DNAH12: variants seen among roughly 807,000 people sequenced by gnomAD.
The protein encoded by DNAH12 is dynein axonemal heavy chain 12, also known as axonemal beta dynein heavy chain 12.
A neutral mutation model predicts 371.5 loss-of-function variants in DNAH12; 285 were observed. The ratio of observed to expected loss-of-function variants is 0.77; its 90% CI spans 0.70 to 0.85. DNAH12 has a LOEUF of 0.85. DNAH12 is among the 40% of genes least tolerant of loss of function. DNAH12 has a pLI of 0.00. For missense variants in DNAH12, 3,611 were observed against 3,689.4 expected, an observed-to-expected ratio of 0.98 and a Z score of 0.55; for synonymous variants, 1,200 against 1,213.0, an observed-to-expected ratio of 0.99 and a Z score of 0.22.
intron 2 of DNAH12, among the ~76,000 whole-genome samples, chr3:57,535,705 G>C (rs1264212893): frequency 3.3e-5 from 5 of 151,516 alleles, no homozygotes; most frequent in African/African-American, 1.2e-4. Flanking sequence ...ACCACACCTG[G>C]CTAATTTTGT....
chr3:57,514,462 A>G (rs2068114496), intron 4 of DNAH12, among the ~76,000 whole-genome samples: 1 of 152,082 alleles, frequency 6.6e-6, no homozygotes. Context: ...AGTATGACGC[A>G]TTTTGTGTAA....
chr3:57,384,031 T>C (rs1384351827), intron 49 of DNAH12, among the ~76,000 whole-genome samples: 2 of 152,144 alleles, frequency 1.3e-5, no homozygotes, highest in Non-Finnish European at 2.9e-5. Context: ...AGGCAAAGAA[T>C]GGGACCTGAA....
At chr3:57,441,982 T>C (rs572126737) in intron 29 of DNAH12, among the ~76,000 whole-genome samples, 1 of 152,106 alleles carries the variant, frequency 6.6e-6, no homozygotes, top group Non-Finnish European at 1.5e-5. Context: ...GCCTGACTTC[T>C]AAGCACAACA....
In DNAH12 at chr3:57,462,647, C is replaced by T. The variant is rs748614256; in HGVS notation, c.2535+43G>A. The T allele has an allele frequency of 2.9e-5, 44 of 1,521,826 alleles. 1 individual carries two copies. In the South Asian group the frequency reaches 3.3e-4, roughly 11 times the overall value. 94.3% of individuals were successfully genotyped at this position (1,521,826 alleles called of 1,614,324 possible). A position where few individuals can be genotyped will look rare whatever the true frequency, so the allele number is the denominator to read the frequency against. ...ACAAAAACTATGATTACTTGATTAA[C>T]GAAGTCATCACATAAAGTATTTCAG... On this transcript the variant is annotated intron_variant, in intron 18 of 73. Transcript: ENST00000495027.
chr3:57,444,179 C>G (rs574823821), intron 29 of DNAH12, among the ~76,000 whole-genome samples: 2 of 151,724 alleles, frequency 1.3e-5, no homozygotes, highest in South Asian at 2.1e-4. Context: ...CCAGCCTGGG[C>G]AACAAGAGCA....
chr3:57,448,475 G>A (rs1438093096), intron 25 of DNAH12, among the ~76,000 whole-genome samples: 2 of 152,166 alleles, frequency 1.3e-5, no homozygotes, highest in African/African-American at 2.4e-5. Context: ...GGGGGCTCGT[G>A]GTCTCGCTGG....
intron 40 of DNAH12, among the ~76,000 whole-genome samples, chr3:57,406,281 G>A (rs2064022733): frequency 2.0e-5 from 3 of 151,366 alleles, no homozygotes; most frequent in Non-Finnish European, 4.4e-5. Flanking sequence ...AACCCGGGAG[G>A]TGGAGGTAGA....
intron 40 of DNAH12, among the ~76,000 whole-genome samples, chr3:57,408,033 T>C (rs183257455): frequency 1.3e-4 from 20 of 152,204 alleles, no homozygotes; most frequent in African/African-American, 4.1e-4. Flanking sequence ...TCCATTTTAG[T>C]CATTAAAAAA....
At chr3:57,296,275 C>G in intron 72 of DNAH12, 69 bp downstream of exon 72, 2 of 1,216,720 alleles carry the variant, frequency 1.6e-6, no homozygotes, top group East Asian at 2.7e-5. Flanking sequence ...TTTTTTTAAG[C>G]AACAGATTGC....
At chr3:57,456,436 A>G (rs1029831328) in intron 22 of DNAH12, among the ~76,000 whole-genome samples, 1 of 152,228 alleles carries the variant, frequency 6.6e-6, no homozygotes, top group African/African-American at 2.4e-5. Flanking sequence ...TTGTGGTCCT[A>G]AAGGCAGAAA....
chr3:57,502,272 G>C, intron 10 of DNAH12, 51 bp downstream of exon 10: 1 of 1,598,878 alleles, frequency 6.3e-7, no homozygotes, highest in South Asian at 1.1e-5. Flanking sequence ...CCAAATTCTA[G>C]CACAAATAAA....
At chr3:57,533,158 T>C (rs868473848) in intron 2 of DNAH12, among the ~76,000 whole-genome samples, 3 of 152,148 alleles carry the variant, frequency 2.0e-5, no homozygotes, top group Non-Finnish European at 4.4e-5. Flanking sequence ...CTCCCAATGT[T>C]CACTTAAGGC....
intron 4 of DNAH12, among the ~76,000 whole-genome samples, 171 bp from the exon 5 acceptor site, chr3:57,511,150 T>C (rs1013036986): frequency 2.6e-5 from 4 of 152,102 alleles, no homozygotes; most frequent in African/African-American, 9.7e-5. Context: ...AAGAAACCAT[T>C]TTATCTTTTT....
chr3:57,338,202 G>A (rs56275102), intron 60 of DNAH12, among the ~76,000 whole-genome samples: 7,906 of 152,246 alleles, frequency 0.052, 306 homozygotes, highest in South Asian at 0.12. Flanking sequence ...TGGTGGAGAC[G>A]GGTTTTGCTG....
intron 11 of DNAH12, 70 bp downstream of exon 11, chr3:57,501,251 T>C (rs925955110): frequency 3.5e-6 from 4 of 1,149,116 alleles, no homozygotes; most frequent in Non-Finnish European, 3.8e-6. Flanking sequence ...CATTTACTTT[T>C]TAGAATGGAA....
chr3:57,463,440 C>T lies in DNAH12; in HGVS notation c.2350-565G>A, dbSNP rs188750805. Reference sequence around the variant, plus strand: ...ACAATGTTTTATCTCTGCTGAGTGACGCCTGCCTTGGCCTCCCAAAGTGCT... The same window carrying T: ...ACAATGTTTTATCTCTGCTGAGTGATGCCTGCCTTGGCCTCCCAAAGTGCT... On this transcript the variant is annotated intron_variant, in intron 17 of 73. Coordinates refer to ENST00000495027, the MANE Select transcript of DNAH12 (RefSeq NM_001366028.2). Among the ~76,000 whole-genome samples, 11 of 152,182 alleles carry T rather than the reference C, an allele frequency of 7.2e-5. No individual in the cohort carries two copies. In the East Asian group the frequency reaches 2.1e-3, roughly 29 times the overall value.
At chr3:57,342,704 A>C (rs1282105757) in intron 60 of DNAH12, among the ~76,000 whole-genome samples, 1 of 150,690 alleles carries the variant, frequency 6.6e-6, no homozygotes, top group Non-Finnish European at 1.5e-5. Flanking sequence ...TAAACTATTC[A>C]TCCACCAAAG....
chr3:57,503,740 T>C (rs2067645178), intron 9 of DNAH12, among the ~76,000 whole-genome samples: 1 of 152,060 alleles, frequency 6.6e-6, no homozygotes, highest in African/African-American at 2.4e-5. Context: ...AAAGAACAAA[T>C]ATCAATTAGA....
intron 19 of DNAH12, among the ~76,000 whole-genome samples, chr3:57,461,212 C>G (rs1251014376): frequency 3.3e-5 from 5 of 152,068 alleles, no homozygotes; most frequent in Non-Finnish European, 7.4e-5. Flanking sequence ...AGTAATACCA[C>G]CTGTTTTCCT....
Sources: gnomAD v4.1 joint callset for allele counts (sites outside exome capture counted in the v4.1 genomes callset) on GRCh38, gnomAD v4.1.1 for gene constraint, MANE v1.5 for transcripts, NCBI Gene and HGNC (gene_info 2026-07-23, HGNC 2026-07-21) for gene names.